LINGO2: variants seen among roughly 807,000 people sequenced by gnomAD.
LINGO2 encodes the protein leucine-rich repeat and immunoglobulin-like domain-containing nogo receptor-interacting protein 2.
In LINGO2, 14 loss-of-function variants were observed where a neutral mutation model predicts 30.6. The observed-to-expected ratio is 0.46, with a 90% confidence interval of 0.30 to 0.72. The LOEUF is 0.72. LINGO2 is among the 30% of genes least tolerant of loss of function. The pLI, the probability that LINGO2 is intolerant of heterozygous loss-of-function variation, is 0.07. For synonymous variants in LINGO2, 317 were observed against 288.5 expected (o/e 1.10, Z -1.00); for missense variants, 729 against 751.7 (o/e 0.97, Z 0.35).
intron 4 of LINGO2, among the ~76,000 whole-genome samples, chr9:28,013,543 C>T (rs1822665484): frequency 6.6e-6 from 1 of 152,154 alleles, no homozygotes; most frequent in Admixed American, 6.6e-5. Flanking sequence ...GTATTTTCAA[C>T]AACTGTCAAA....
intron 4 of LINGO2, among the ~76,000 whole-genome samples, chr9:28,177,089 T>C (rs916056746): frequency 3.3e-5 from 5 of 152,220 alleles, no homozygotes; most frequent in Admixed American, 2.0e-4. Context: ...AATGTTATTA[T>C]AGAAAGATGT....
At chr9:28,942,003 A>G in the LINGO2 span, among the ~76,000 whole-genome samples, 2 of 152,064 alleles carry the variant, frequency 1.3e-5, no homozygotes, top group Non-Finnish European at 2.9e-5. Context: ...GACTGTCCCT[A>G]TAGAAGCTTC....
the LINGO2 span, chr9:27,942,640 T>C: frequency 2.6e-5 from 4 of 152,144 alleles, no homozygotes; most frequent in Admixed American, 1.3e-4. Flanking sequence ...AGGTTCTTGG[T>C]TATTAACTTT....
intron 5 of LINGO2, among the ~76,000 whole-genome samples, chr9:27,959,754 G>A (rs1322401681): frequency 1.3e-5 from 2 of 151,794 alleles, no homozygotes; most frequent in East Asian, 3.9e-4. Flanking sequence ...TACTTTTTGG[G>A]TGAAGCAGTC....
At chr9:28,512,626 TATATATATATACACAC>T (rs1564256054) in intron 1 of LINGO2, among the ~76,000 whole-genome samples, 12 of 8,778 alleles carry the variant, frequency 1.4e-3, no homozygotes, top group African/African-American at 2.0e-3. Context: ...TATATATATA[TATATATATATACACAC>T]ATACATACAC....
At chr9:28,709,141 C>G in the LINGO2 span, among the ~76,000 whole-genome samples, 1 of 152,084 alleles carries the variant, frequency 6.6e-6, no homozygotes, top group Non-Finnish European at 1.5e-5. Context: ...ACATCACCCT[C>G]CTTCAGGTAA....
At chr9:29,131,359 G>T in the LINGO2 span, among the ~76,000 whole-genome samples, 1 of 151,940 alleles carries the variant, frequency 6.6e-6, no homozygotes, top group African/African-American at 2.4e-5. Flanking sequence ...ATGGATTCTG[G>T]GTATTTATTA....
intron 3 of LINGO2, among the ~76,000 whole-genome samples, chr9:28,354,131 A>G (rs1025875508): frequency 2.0e-5 from 3 of 151,878 alleles, no homozygotes; most frequent in African/African-American, 7.3e-5. Flanking sequence ...GTGCACATGT[A>G]CCCTAAAACT....
chr9:29,052,628 T>A, the LINGO2 span, among the ~76,000 whole-genome samples: 2 of 152,192 alleles, frequency 1.3e-5, no homozygotes, highest in African/African-American at 4.8e-5. Flanking sequence ...GTTACATTTA[T>A]CTTTTGGCAG....
the LINGO2 span, among the ~76,000 whole-genome samples, chr9:29,174,102 G>T: frequency 8.6e-5 from 13 of 151,898 alleles, no homozygotes; most frequent in African/African-American, 3.1e-4. Context: ...TTCAAAATGA[G>T]GTTATGCTTT....
intron 2 of LINGO2, among the ~76,000 whole-genome samples, chr9:28,405,362 T>G (rs913343780): frequency 1.3e-5 from 2 of 152,160 alleles, no homozygotes; most frequent in Non-Finnish European, 1.5e-5. Flanking sequence ...GAAACCTCTA[T>G]CATAGTTAAC....
intron 1 of LINGO2, among the ~76,000 whole-genome samples, chr9:28,644,583 GA>G (rs34845629): frequency 0.29 from 40,502 of 138,752 alleles, 6,155 homozygotes; most frequent in African/African-American, 0.43. Flanking sequence ...GGTGCAAACA[GA>G]AAAAAAAAAA....
chr9:28,702,167 G>A, the LINGO2 span, among the ~76,000 whole-genome samples: 1 of 151,890 alleles, frequency 6.6e-6, no homozygotes, highest in East Asian at 1.9e-4. Flanking sequence ...TGTTGAAAAG[G>A]AGCAGTGAGT....
chr9:27,999,249 G>C (rs1422111204), intron 5 of LINGO2, among the ~76,000 whole-genome samples: 1 of 152,056 alleles, frequency 6.6e-6, no homozygotes, highest in Non-Finnish European at 1.5e-5. Context: ...AGCCAAGAGG[G>C]TTTAGGAAGG....
intron 3 of LINGO2, among the ~76,000 whole-genome samples, chr9:28,341,776 A>G (rs1825774930): frequency 6.6e-6 from 1 of 152,150 alleles, no homozygotes; most frequent in South Asian, 2.1e-4. Flanking sequence ...CTCCTGACTC[A>G]AAATCTCTAA....
chr9:28,536,895 A>C (rs1420460219), intron 1 of LINGO2, among the ~76,000 whole-genome samples: 1 of 152,096 alleles, frequency 6.6e-6, no homozygotes, highest in East Asian at 1.9e-4. Flanking sequence ...TGTGTACTGA[A>C]TTCTTAACCC....
chr9:28,788,410 A>G, the LINGO2 span, among the ~76,000 whole-genome samples: 2 of 152,232 alleles, frequency 1.3e-5, no homozygotes, highest in African/African-American at 4.8e-5. Flanking sequence ...TGTTAGAAAT[A>G]CATACATCAA....
At chr9:28,563,057 G>A (rs147970092) in intron 1 of LINGO2, among the ~76,000 whole-genome samples, 1,752 of 152,100 alleles carry the variant, frequency 0.012, 31 homozygotes, top group African/African-American at 0.04. Flanking sequence ...ATGTTGGCCG[G>A]GCTGGTCTCA....
intron 4 of LINGO2, among the ~76,000 whole-genome samples, chr9:28,273,714 G>C (rs1335775760): frequency 6.6e-6 from 1 of 152,192 alleles, no homozygotes; most frequent in Non-Finnish European, 1.5e-5. Context: ...ATAAAATCCA[G>C]GGAAGAAAAG....
Sources: allele counts gnomAD v4.1 joint callset (sites outside exome capture counted in the v4.1 genomes callset), GRCh38; gene constraint gnomAD v4.1.1; transcripts MANE v1.5; gene names NCBI Gene and HGNC (gene_info 2026-07-23, HGNC 2026-07-21).